Variants in MAML3 observed in about 807,000 individuals in gnomAD.
The protein encoded by MAML3 is mastermind-like protein 3.
Under a neutral mutation model 101.9 loss-of-function variants are expected in MAML3, and 27 were observed. The observed-to-expected ratio is 0.27, with a 90% CI of 0.20 to 0.37. The LOEUF is 0.37. Ranked by LOEUF, MAML3 falls within the 10% of genes least tolerant of loss-of-function variation. The pLI is 1.00. For missense variants in MAML3, 1,316 were observed against 1,444.9 expected (o/e 0.91, Z 1.45); for synonymous variants, 501 against 555.9 (o/e 0.90, Z 1.39).
chr4:140,113,519 C>T (rs1728471675), intron 1 of MAML3, among the ~76,000 whole-genome samples: 1 of 152,090 alleles, frequency 6.6e-6, no homozygotes, highest in African/African-American at 2.4e-5. Flanking sequence ...GCCAGTCAGC[C>T]CTTCCACTGT....
intron 1 of MAML3, among the ~76,000 whole-genome samples, chr4:140,067,865 C>A (rs1915700): frequency 0.51 from 77,368 of 151,606 alleles, 21,346 homozygotes; most frequent in Non-Finnish European, 0.61. Context: ...TCCCAAGTAG[C>A]TGGGATTATA....
At chr4:139,823,933 G>A (rs550843839) in intron 2 of MAML3, among the ~76,000 whole-genome samples, 3 of 151,534 alleles carry the variant, frequency 2.0e-5, no homozygotes, top group Non-Finnish European at 4.4e-5. Flanking sequence ...ACCTGTTCAC[G>A]TGTTTGAAAT....
At chr4:139,833,407 G>A (rs1245340337) in intron 2 of MAML3, among the ~76,000 whole-genome samples, 2 of 152,168 alleles carry the variant, frequency 1.3e-5, no homozygotes. Context: ...TCTGTGAAAT[G>A]ACAGCCACTT....
At position 139,823,284 on chromosome 4, in the gene MAML3, G is replaced by A. The variant is rs114351719; in HGVS notation, c.2079+66073C>T. 6.1e-3 allele frequency among the ~76,000 whole-genome samples: 926 copies of A among 152,304 alleles called. 12 individuals carry two copies. The highest frequency in any genetic ancestry group is 0.021 in the African/African-American group (859 of 41,562). On this transcript the variant is annotated intron_variant, in intron 2 of 4. Transcript: ENST00000509479. ...AGGCAGAAAGAAACCCAGAACTCCA[G>A]CTGAGAACCCTGAACTGAATTGGGA...
rs1211971121 is a variant in MAML3 at position 139,717,493 on chromosome 4, C to T, written c.*1830G>A. Reference sequence around the variant, plus strand: ...CCTCTTCGGAGAGGGCGCCCAGCCCCTGCCTGGGCTTCTCACCCACCAGGC... The same window carrying T: ...CCTCTTCGGAGAGGGCGCCCAGCCCTTGCCTGGGCTTCTCACCCACCAGGC... On this transcript the variant is annotated 3_prime_UTR_variant, in exon 5 of 5. Transcript: ENST00000509479. 6.6e-6 allele frequency: 1 copy of T among 152,394 alleles called. No individual in the cohort carries two copies. The highest frequency in any genetic ancestry group is 1.5e-5 in the Non-Finnish European group (1 of 68,192). The allele number at this position is 152,394 out of a possible 1,614,324, so 9.4% of individuals were successfully genotyped here.
rs566625167 is a variant in MAML3 at position 139,927,647 on chromosome 4, A to G, written c.469-36680T>C. Among the ~76,000 whole-genome samples, 20 of 152,352 alleles carry G rather than the reference A, an allele frequency of 1.3e-4. 1 individual carries two copies. Among genetic ancestry groups the G allele is most frequent in the Admixed American group, 3.3e-4 (5 of 15,296 alleles). Reference sequence around the variant, plus strand: ...TATTCTTAAAATTATTTATTTATATAACTATGGACTTCTGGCTATTACGTT... The same window carrying G: ...TATTCTTAAAATTATTTATTTATATGACTATGGACTTCTGGCTATTACGTT... On this transcript the variant is annotated intron_variant, in intron 1 of 4. Transcript: ENST00000509479.
At chr4:140,078,865 G>A (rs144459556) in intron 1 of MAML3, among the ~76,000 whole-genome samples, 2 of 152,294 alleles carry the variant, frequency 1.3e-5, no homozygotes, top group African/African-American at 4.8e-5. Context: ...AGGAAACAGA[G>A]GGGTCATTTC....
At chr4:139,889,331 G>A (rs375859299) in intron 2 of MAML3, 26 bp downstream of exon 2, 21 of 1,613,994 alleles carry the variant, frequency 1.3e-5, no homozygotes, top group Middle Eastern at 1.6e-4. Flanking sequence ...AGAACTGCTC[G>A]AAGAGTGTGT....
In MAML3 at chr4:139,890,084, G is replaced by A. The variant is rs565189281; in HGVS notation, c.1352C>T (p.Ala451Val). The A allele has an allele frequency of 1.9e-5, 30 of 1,612,644 alleles. No homozygotes were observed. In the East Asian group the frequency reaches 5.6e-4, roughly 30 times the overall value. ...GCTGGGCACAGCCACAGGCCCTGAC[G>A]CTGAACCGGCCACTGTCACTGCTGC... Reference protein sequence around the residue: ...NPAAVTVAGSASGPVAVPSSD... With the variant: ...NPAAVTVAGSVSGPVAVPSSD... Residue 451 changes from alanine (A) to valine (V), a missense_variant, in exon 2 of 5, where the codon GCG becomes GTG. Coordinates refer to ENST00000509479, the MANE Select transcript of MAML3 (RefSeq NM_018717.5). This position sits in a 1 kb window ranked among gnomAD's most constrained non-coding sequence, Gnocchi z 4.1.
intron 1 of MAML3, among the ~76,000 whole-genome samples, chr4:140,028,246 G>C (rs1035279354): frequency 6.6e-6 from 1 of 152,194 alleles, no homozygotes; most frequent in Admixed American, 6.5e-5. Context: ...AGGAAGAAGA[G>C]AGAAAGCATG....
chr4:139,929,523 A>G (rs1280505327), intron 1 of MAML3, among the ~76,000 whole-genome samples: 2 of 152,256 alleles, frequency 1.3e-5, no homozygotes, highest in South Asian at 4.2e-4. Flanking sequence ...CATCACCGCT[A>G]CTCTATTAAT....
chr4:140,074,596 C>A lies in MAML3; in HGVS notation c.468+78264G>T, dbSNP rs977797953. Among the ~76,000 whole-genome samples the A allele has an allele frequency of 1.4e-4, 22 of 152,314 alleles. 1 individual carries two copies. The highest frequency in any genetic ancestry group is 8.3e-4 in the South Asian group (4 of 4,828). ...CACAACATGCAGTCTATTCCGCATC[C>A]CAGCTCTTCTGGTGATGCTACTGTG... is the stretch of plus-strand genomic sequence containing the variant. On this transcript the variant is annotated intron_variant, in intron 1 of 4. Transcript: ENST00000509479.
At chr4:139,734,394 A>G (rs918457030) in intron 2 of MAML3, among the ~76,000 whole-genome samples, 2 of 152,054 alleles carry the variant, frequency 1.3e-5, no homozygotes, top group African/African-American at 4.8e-5. Flanking sequence ...TCTCCAATCC[A>G]CTCCTTGCCC....
At chr4:140,108,320 C>T (rs57459035) in intron 1 of MAML3, among the ~76,000 whole-genome samples, 5,877 of 151,914 alleles carry the variant, frequency 0.039, 305 homozygotes, top group African/African-American at 0.12. Context: ...TTCGTGCTCC[C>T]CAGTACATGT....
chr4:140,113,037 T>C (rs991353782), intron 1 of MAML3, among the ~76,000 whole-genome samples: 6 of 152,146 alleles, frequency 3.9e-5, no homozygotes, highest in African/African-American at 1.4e-4. Flanking sequence ...TCCCAGCACT[T>C]TGGGAGCCAA....
intron 2 of MAML3, among the ~76,000 whole-genome samples, chr4:139,750,914 T>C (rs746031528): frequency 6.6e-6 from 1 of 152,220 alleles, no homozygotes; most frequent in South Asian, 2.1e-4. Flanking sequence ...TAGGCCTCAG[T>C]TGAAAATAAG....
intron 1 of MAML3, among the ~76,000 whole-genome samples, chr4:139,988,158 C>A (rs547481579): frequency 3.3e-5 from 5 of 151,180 alleles, no homozygotes; most frequent in African/African-American, 1.2e-4. Flanking sequence ...GAAACCCCAT[C>A]TCTACTAAAA....
At chr4:140,068,583 A>C (rs1430347416) in intron 1 of MAML3, among the ~76,000 whole-genome samples, 1 of 152,226 alleles carries the variant, frequency 6.6e-6, no homozygotes, top group African/African-American at 2.4e-5. Flanking sequence ...GAATGAAACG[A>C]ATATGGATTT....
At chr4:140,110,473 C>T (rs751268054) in intron 1 of MAML3, among the ~76,000 whole-genome samples, 1 of 152,342 alleles carries the variant, frequency 6.6e-6, no homozygotes, top group South Asian at 2.1e-4. Context: ...ACCTGACTGT[C>T]CGGCATTTGC....
Sources: gnomAD v4.1 joint callset for allele counts (sites outside exome capture counted in the v4.1 genomes callset) on GRCh38, gnomAD v4.1.1 for gene constraint, Gnocchi (gnomAD v3.1) non-coding constraint, MANE v1.5 for transcripts, NCBI Gene and HGNC (gene_info 2026-07-23, HGNC 2026-07-21) for gene names.